Variants in ZNF277 observed in about 807,000 individuals in gnomAD.
ZNF277 encodes the protein zinc finger protein 277, also known as nuclear receptor-interacting factor 4.
A neutral mutation model predicts 60.7 loss-of-function variants in ZNF277; 55 were observed. The ratio of observed to expected loss-of-function variants is 0.91; its 90% CI spans 0.73 to 1.13. ZNF277 has a LOEUF of 1.13. ZNF277 is among the 50% of genes most tolerant of loss of function. ZNF277 has a pLI of 0.00. For synonymous variants in ZNF277, 178 were observed against 179.3 expected, an observed-to-expected ratio of 0.99 and a Z score of 0.06; for missense variants, 510 against 523.0, an observed-to-expected ratio of 0.98 and a Z score of 0.24.
intron 1 of ZNF277, among the ~76,000 whole-genome samples, chr7:112,258,443 G>A (rs1268731594): frequency 6.6e-6 from 1 of 151,418 alleles, no homozygotes; most frequent in Non-Finnish European, 1.5e-5. Context: ...AAGCCATACA[G>A]TATTTGGACG....
At chr7:112,296,896 A>ATTTT (rs1363241398) in intron 4 of ZNF277, among the ~76,000 whole-genome samples, 1 of 27,378 alleles carries the variant, frequency 3.7e-5, no homozygotes, top group East Asian at 8.8e-4. Context: ...TATTTTATTT[A>ATTTT]TTTATTTATT....
intron 1 of ZNF277, among the ~76,000 whole-genome samples, chr7:112,238,423 A>G (rs1344009247): frequency 6.6e-6 from 1 of 152,144 alleles, no homozygotes; most frequent in African/African-American, 2.4e-5. Flanking sequence ...AGCTAGCCCC[A>G]CCAGCAAGGC....
At chr7:112,327,445 C>A (rs770740031) in intron 5 of ZNF277, among the ~76,000 whole-genome samples, 1 of 151,878 alleles carries the variant, frequency 6.6e-6, no homozygotes, top group Non-Finnish European at 1.5e-5. Flanking sequence ...GGACCGATAC[C>A]CCTGGTTTAA....
At chr7:112,224,199 G>T (rs1274053279) in intron 1 of ZNF277, among the ~76,000 whole-genome samples, 2 of 152,172 alleles carry the variant, frequency 1.3e-5, no homozygotes, top group Non-Finnish European at 2.9e-5. Context: ...GTAGAGCAGG[G>T]GTGTCCTATC....
At chr7:112,279,827 A>G (rs991936783) in intron 1 of ZNF277, among the ~76,000 whole-genome samples, 1 of 152,204 alleles carries the variant, frequency 6.6e-6, no homozygotes, top group Admixed American at 6.5e-5. Flanking sequence ...AAGAAGTGGA[A>G]GTGGATCGTC....
At chr7:112,307,874 T>C (rs1414732473) in intron 4 of ZNF277, among the ~76,000 whole-genome samples, 1 of 151,932 alleles carries the variant, frequency 6.6e-6, no homozygotes, top group Non-Finnish European at 1.5e-5. Flanking sequence ...TACATACATA[T>C]GTATTTAGTA....
intron 1 of ZNF277, among the ~76,000 whole-genome samples, chr7:112,277,264 A>AT (rs1446301584): frequency 1.3e-5 from 2 of 151,844 alleles, no homozygotes; most frequent in Non-Finnish European, 2.9e-5. Flanking sequence ...TTGTATTTTT[A>AT]TTAGAGACGG....
intron 4 of ZNF277, among the ~76,000 whole-genome samples, chr7:112,307,417 C>T (rs1792623887): frequency 6.6e-6 from 1 of 151,458 alleles, no homozygotes; most frequent in African/African-American, 2.4e-5. Context: ...GAATTTATTT[C>T]TTTTTTTTGT....
chr7:112,257,434 A>C (rs1466645583), intron 1 of ZNF277, among the ~76,000 whole-genome samples: 2 of 152,194 alleles, frequency 1.3e-5, no homozygotes, highest in Non-Finnish European at 2.9e-5. Context: ...CTGGGTATAA[A>C]ATGAATGTTT....
chr7:112,342,592 C>T lies in ZNF277; in HGVS notation c.1216C>T (p.Leu406Phe). The T allele has an allele frequency of 6.2e-7, 1 of 1,608,918 alleles. No individual in the cohort carries two copies. Among genetic ancestry groups the T allele is most frequent in the Non-Finnish European group, 8.5e-7 (1 of 1,178,404 alleles). ...YYFPTYENDT[L>F]LCTLSDSESD... ...TTTTCCAACCTATGAAAATGACACT[C>T]TCCTGTGTACACTATCTGACAGTGA... is the stretch of plus-strand genomic sequence containing the variant. The change falls in exon 12 of 12, where the codon CTC (leucine) becomes TTC (phenylalanine). Residue 406 changes from leucine to phenylalanine, a missense_variant. Coordinates refer to ENST00000361822, the MANE Select transcript of ZNF277 (RefSeq NM_021994.3).
At chr7:112,290,231 T>C in intron 2 of ZNF277, among the ~76,000 whole-genome samples, 1 of 152,320 alleles carries the variant, frequency 6.6e-6, no homozygotes, top group East Asian at 1.9e-4. Flanking sequence ...AGTTTAAGAT[T>C]TTTCTTTCTC....
chr7:112,207,071 C>T (rs1446999840), intron 1 of ZNF277, among the ~76,000 whole-genome samples: 2 of 152,352 alleles, frequency 1.3e-5, no homozygotes, highest in East Asian at 1.9e-4. Flanking sequence ...CGGGGAAGCT[C>T]CCTGAGCGTT....
intron 2 of ZNF277, 195 bp downstream of exon 2, chr7:112,287,269 G>C: frequency 1.7e-6 from 1 of 586,116 alleles, no homozygotes; most frequent in Non-Finnish European, 3.0e-6. Flanking sequence ...CAGCTACTTG[G>C]GAGGTTGAGG....
intron 1 of ZNF277, among the ~76,000 whole-genome samples, chr7:112,214,152 G>A (rs1233349227): frequency 6.6e-6 from 1 of 152,166 alleles, no homozygotes; most frequent in African/African-American, 2.4e-5. Context: ...AAAGAATAGT[G>A]CTGCCCTTTA....
chr7:112,287,233 G>A (rs765802395), intron 2 of ZNF277, 159 bp downstream of exon 2: 3 of 669,926 alleles, frequency 4.5e-6, no homozygotes, highest in African/African-American at 1.8e-5. Flanking sequence ...AAATTATCTA[G>A]GATCAATGGC....
At chr7:112,296,367 T>A in intron 4 of ZNF277, 56 bp downstream of exon 4, 1 of 823,222 alleles carries the variant, frequency 1.2e-6, no homozygotes, top group Non-Finnish European at 1.8e-6. Context: ...TAAATACATA[T>A]AAAATCATAT....
intron 1 of ZNF277, among the ~76,000 whole-genome samples, chr7:112,274,470 A>G (rs1341304911): frequency 2.6e-5 from 4 of 152,142 alleles, no homozygotes. Flanking sequence ...ATTAACTTTT[A>G]TAGGCCTAAA....
At chr7:112,238,807 T>A (rs1790869185) in intron 1 of ZNF277, among the ~76,000 whole-genome samples, 1 of 150,552 alleles carries the variant, frequency 6.6e-6, no homozygotes, top group East Asian at 2.0e-4. Flanking sequence ...ATTTTTTTTT[T>A]ATTTCAATAG....
At chr7:112,218,533 A>AC (rs201673927) in intron 1 of ZNF277, among the ~76,000 whole-genome samples, 1,987 of 152,266 alleles carry the variant, frequency 0.013, 47 homozygotes, top group African/African-American at 0.046. Context: ...CAGTGTTATT[A>AC]ATAATAGTTA....
Sources: gnomAD v4.1 joint callset for allele counts (sites outside exome capture counted in the v4.1 genomes callset) on GRCh38, gnomAD v4.1.1 for gene constraint, MANE v1.5 for transcripts, NCBI Gene and HGNC (gene_info 2026-07-23, HGNC 2026-07-21) for gene names.